The following PCDHA6 variants were observed in gnomAD, a reference collection of about 807,000 sequenced individuals.
The protein encoded by PCDHA6 is protocadherin alpha-6.
A neutral mutation model predicts 60.3 loss-of-function variants in PCDHA6; 55 were observed. The observed-to-expected ratio is 0.91, with a 90% CI of 0.73 to 1.14. The LOEUF is 1.14. Ranked by LOEUF, PCDHA6 falls within the 50% of genes most tolerant of loss-of-function variation. The probability of loss-of-function intolerance (pLI) is 0.00; values close to 1 mark genes in which losing one functional copy is unlikely to be tolerated. For synonymous variants in PCDHA6, 652 were observed against 557.9 expected (o/e 1.17, Z -2.38); for missense variants, 1,327 against 1,256.5 (o/e 1.06, Z -0.85).
rs2150393367 is a variant in PCDHA6, at chr5:140,846,648, A to T, written c.2394+16163A>T. 2.0e-5 allele frequency among the ~76,000 whole-genome samples: 3 copies of T among 149,386 alleles called. No individual in the cohort carries two copies. The South Asian group carries it at 6.4e-4, about 32-fold the overall frequency. On this transcript the variant is annotated intron_variant, in intron 1 of 3. Coordinates refer to ENST00000529310, the MANE Select transcript of PCDHA6 (RefSeq NM_018909.4). ...TTCGGCCTCCTAAAGTGCTGGGATT[A>T]CAGGCATGAGCCACCGCGCCCAGCC...
At chr5:140,956,038 A>T in intron 1 of PCDHA6, among the ~76,000 whole-genome samples, 1 of 152,182 alleles carries the variant, frequency 6.6e-6, no homozygotes, top group South Asian at 2.1e-4. Flanking sequence ...CAGCTTAAGA[A>T]GCTTTTGGGC....
At position 140,877,517 on chromosome 5, in the gene PCDHA6, C is replaced by T. The variant is rs782271327; in HGVS notation, c.2394+47032C>T. ...CAGGCCCCAAAGACGTCGTCGCGGG[C>T]CTCAGTGGGCGCTGTGGATCCCGAA... On this transcript the variant is annotated intron_variant, in intron 1 of 3. Coordinates refer to ENST00000529310, the MANE Select transcript of PCDHA6 (RefSeq NM_018909.4). 5.6e-6 allele frequency: 9 copies of T among 1,613,766 alleles called. No homozygotes were observed. Among genetic ancestry groups the T allele is most frequent in the Non-Finnish European group, 7.6e-6 (9 of 1,179,862 alleles).
chr5:140,882,288 G>C (rs1554173426), intron 1 of PCDHA6: 2 of 1,613,210 alleles, frequency 1.2e-6, no homozygotes, highest in East Asian at 2.2e-5. Flanking sequence ...TCCTGGCAAG[G>C]AGGCCCAAGA....
chr5:140,835,702 G>T, intron 1 of PCDHA6: 1 of 1,613,922 alleles, frequency 6.2e-7, no homozygotes, highest in South Asian at 1.1e-5. Context: ...GCCACTGCTA[G>T]CGTGTCCGTG....
At chr5:140,871,265 G>C in intron 1 of PCDHA6, 1 of 1,613,978 alleles carries the variant, frequency 6.2e-7, no homozygotes, top group South Asian at 1.1e-5. Flanking sequence ...ACGGCGCTGT[G>C]GTGGTCGGCA....
rs782671966 is a variant in PCDHA6 at position 140,857,602 on chromosome 5, G to T, written c.2394+27117G>T. ...ACGCGGAGAGCGGCAAGGTGTACGCGCTGCAGCCGCTGGACCACGAGGAGC... is the reference window on the plus strand; with the variant it reads ...ACGCGGAGAGCGGCAAGGTGTACGCTCTGCAGCCGCTGGACCACGAGGAGC... On this transcript the variant is annotated intron_variant, in intron 1 of 3. Coordinates refer to ENST00000529310, the MANE Select transcript of PCDHA6 (RefSeq NM_018909.4). 17 of 1,596,266 alleles carry T rather than the reference G, an allele frequency of 1.1e-5. 1 individual carries two copies. Among genetic ancestry groups the T allele is most frequent in the Non-Finnish European group, 1.5e-5 (17 of 1,167,710 alleles).
At chr5:140,980,584 C>A (rs1447001293) in intron 2 of PCDHA6, among the ~76,000 whole-genome samples, 1 of 151,934 alleles carries the variant, frequency 6.6e-6, no homozygotes, top group Non-Finnish European at 1.5e-5. Context: ...GAGCCAAGAT[C>A]GAGCCACTGC....
intron 1 of PCDHA6, chr5:140,869,060 T>C (rs1490534322): frequency 2.6e-6 from 4 of 1,556,804 alleles, no homozygotes; most frequent in East Asian, 2.2e-5. Context: ...AATCTGGTAC[T>C]GTAAGTGTAA....
rs1038140347 is a variant in PCDHA6 at position 140,928,220 on chromosome 5, C to T, written c.2395-50729C>T. On this transcript the variant is annotated intron_variant, in intron 1 of 3. Transcript: ENST00000529310. ...GTTGCTGATGTGAATGACAATACAC[C>T]AAACTTTCCTCAACCCCAGCAGGAA... The T allele has an allele frequency of 2.5e-6, 4 of 1,614,048 alleles. No individual in the cohort carries two copies. The Admixed American group carries it at 5.0e-5, about 20-fold the overall frequency.
intron 1 of PCDHA6, chr5:140,850,866 G>T: frequency 6.3e-7 from 1 of 1,592,796 alleles, no homozygotes; most frequent in Non-Finnish European, 8.6e-7. Flanking sequence ...AGAACCCTCT[G>T]CTTCCTCAGA....
At position 140,829,572 on chromosome 5, in the gene PCDHA6, T is replaced by C. The variant is rs1770395832; in HGVS notation, c.1481T>C (p.Leu494Pro). ...AQENALVSYS[L>P]VERRVGERAL... ...GAGAACGCGCTGGTGTCCTACTCGC[T>C]GGTGGAGCGGCGGGTGGGCGAGCGC... Residue 494 changes from leucine to proline, a missense_variant, in exon 1 of 4, where the codon CTG (leucine) becomes CCG (proline). Leu to Pro is a moderately conservative substitution (Grantham distance 98). Coordinates refer to ENST00000529310, the MANE Select transcript of PCDHA6 (RefSeq NM_018909.4). 1.2e-6 allele frequency: 2 copies of C among 1,612,506 alleles called. No individual in the cohort carries two copies. Among genetic ancestry groups the C allele is most frequent in the Non-Finnish European group, 8.5e-7 (1 of 1,179,798 alleles).
At chr5:140,966,789 C>T (rs782194817) in intron 1 of PCDHA6, 3 of 1,528,688 alleles carry the variant, frequency 2.0e-6, no homozygotes, top group Non-Finnish European at 2.6e-6. Flanking sequence ...GGCACCAGAC[C>T]TGCGGCGACA....
At chr5:140,926,573 A>C in intron 1 of PCDHA6, 2 of 265,974 alleles carry the variant, frequency 7.5e-6, no homozygotes. Context: ...TACTGGAGAC[A>C]GCACCTCTCG....
At chr5:140,863,761 A>C (rs1000713461) in intron 1 of PCDHA6, 5 of 242,322 alleles carry the variant, frequency 2.1e-5, no homozygotes, top group Non-Finnish European at 3.3e-5. Flanking sequence ...CACTTTGGGA[A>C]GCCGAGGCGG....
In PCDHA6 at chr5:140,856,768, C is replaced by G; in HGVS notation, c.2394+26283C>G. 1.3e-6 allele frequency: 2 copies of G among 1,596,818 alleles called. 1 individual carries two copies. ...TAGATGCCAATGATAACGCCCCTAT[C>G]TTTGACAGACCGGTTTATGAAGTTA... On this transcript the variant is annotated intron_variant, in intron 1 of 3. Coordinates refer to ENST00000529310, the MANE Select transcript of PCDHA6 (RefSeq NM_018909.4).
At chr5:140,889,637 G>A (rs184352635) in intron 1 of PCDHA6, among the ~76,000 whole-genome samples, 5 of 151,668 alleles carry the variant, frequency 3.3e-5, no homozygotes, top group Admixed American at 3.3e-4. Context: ...CTTTTCATTT[G>A]TGTTTGCAGG....
chr5:140,947,586 A>G (rs958279437), intron 1 of PCDHA6, among the ~76,000 whole-genome samples: 1 of 151,670 alleles, frequency 6.6e-6, no homozygotes, highest in Non-Finnish European at 1.5e-5. Context: ...TAACATTTAG[A>G]TCAATTTAGG....
At chr5:140,941,202 CCTTTCTTTCTTCCTTT>C (rs1307053809) in intron 1 of PCDHA6, among the ~76,000 whole-genome samples, 1 of 122,742 alleles carries the variant, frequency 8.1e-6, no homozygotes, top group Non-Finnish European at 1.8e-5. Context: ...TTTCTTTCTT[CCTTTCTTTCTTCCTTT>C]CTTTCTTTCT....
chr5:141,006,680 G>A (rs1449792614), intron 3 of PCDHA6, among the ~76,000 whole-genome samples: 5 of 152,036 alleles, frequency 3.3e-5, no homozygotes, highest in African/African-American at 1.2e-4. Flanking sequence ...AGTGAAAATT[G>A]GGAGAAGAGG....
Sources: allele counts gnomAD v4.1 joint callset (sites outside exome capture counted in the v4.1 genomes callset), GRCh38; gene constraint gnomAD v4.1.1; transcripts MANE v1.5; gene names NCBI Gene and HGNC (gene_info 2026-07-23, HGNC 2026-07-21).